CEP350: variants seen among roughly 807,000 people sequenced by gnomAD.
The protein encoded by CEP350 is centrosome-associated protein 350.
CEP350 carries 126 observed loss-of-function variants against 331.8 expected under a neutral mutation model. The observed-to-expected ratio is 0.38, with a 90% CI of 0.33 to 0.44. The LOEUF is 0.44. Among genes scored for constraint, CEP350 ranks in the 20% least tolerant of loss-of-function variants. The probability of loss-of-function intolerance (pLI) is 1.00; values close to 1 mark genes in which losing one functional copy is unlikely to be tolerated. For synonymous variants in CEP350, 1,200 were observed against 1,259.5 expected, an observed-to-expected ratio of 0.95 and a Z score of 1.00; for missense variants, 3,406 against 3,634.6, an observed-to-expected ratio of 0.94 and a Z score of 1.62.
Position 180,014,216 on chromosome 1 carries a change from G to A in CEP350, c.1763G>A (p.Arg588Lys). ...ANEDPPVISK[R>K]RHYDTDEVRQ... ...GAAGATCCCCCTGTTATTTCCAAAAGGCGCCACTATGACACAGATGAGGTA... is the reference window on the plus strand; with the variant it reads ...GAAGATCCCCCTGTTATTTCCAAAAAGCGCCACTATGACACAGATGAGGTA... The change falls in exon 10 of 38, where the codon AGG becomes AAG. Residue 588 changes from arginine (R) to lysine (K), a missense_variant. Arg to Lys is a conservative substitution (Grantham distance 26). Coordinates refer to ENST00000367607, the MANE Select transcript of CEP350 (RefSeq NM_014810.5). The A allele has an allele frequency of 6.2e-7, 1 of 1,610,832 alleles. No individual in the cohort carries two copies. Among genetic ancestry groups the A allele is most frequent in the Non-Finnish European group, 8.5e-7 (1 of 1,178,612 alleles).
At chr1:179,996,485 CT>C in intron 5 of CEP350, 67 bp from the exon 6 acceptor site, 2 of 1,147,468 alleles carry the variant, frequency 1.7e-6, no homozygotes, top group Non-Finnish European at 1.2e-6. Context: ...AAAATCTACT[CT>C]TAGCAATTTT....
At chr1:180,080,714 C>T (rs1289075215) in intron 30 of CEP350, 53 bp downstream of exon 30, 6 of 1,473,718 alleles carry the variant, frequency 4.1e-6, no homozygotes, top group Admixed American at 3.4e-5. Context: ...ACAGCCTTTA[C>T]TCTAAAAGGC....
chr1:180,074,248 G>A (rs570568480), intron 27 of CEP350, among the ~76,000 whole-genome samples: 9 of 152,252 alleles, frequency 5.9e-5, no homozygotes, highest in African/African-American at 1.9e-4. Context: ...TTTATTAGTA[G>A]CCTCTAAACT....
At position 179,973,844 on chromosome 1, in the gene CEP350, C is replaced by T. The variant is rs183264824; in HGVS notation, c.-13-12325C>T. Among the ~76,000 whole-genome samples the T allele has an allele frequency of 2.9e-3, 435 of 151,924 alleles. 4 individuals are homozygous for T. Among genetic ancestry groups the T allele is most frequent in the Middle Eastern group, 0.01 (3 of 294 alleles). Reference sequence around the variant, plus strand: ...TATTTTTTCAATTTCTTTTTCTCCCCCTCATTTACTGCCGTAGTGATAAAT... The same window carrying T: ...TATTTTTTCAATTTCTTTTTCTCCCTCTCATTTACTGCCGTAGTGATAAAT... On this transcript the variant is annotated intron_variant, in intron 1 of 37. Transcript: ENST00000367607.
chr1:180,085,739 A>C (rs1023826252), intron 31 of CEP350: 2 of 152,244 alleles, frequency 1.3e-5, no homozygotes, highest in Non-Finnish European at 2.9e-5. Context: ...TAAGTATTAG[A>C]AGAGCTCTTT....
intron 30 of CEP350, among the ~76,000 whole-genome samples, chr1:180,081,670 GCTGTAATAC>G (rs1460319538): frequency 3.3e-5 from 5 of 152,106 alleles, no homozygotes; most frequent in African/African-American, 1.2e-4. Context: ...TTGCTCCTAG[GCTGTAATAC>G]CTGTACAGTA....
At chr1:180,070,589 A>T (rs1658820762) in intron 27 of CEP350, among the ~76,000 whole-genome samples, 1 of 152,202 alleles carries the variant, frequency 6.6e-6, no homozygotes. Context: ...AACTTTCCTC[A>T]GGTCACACAC....
intron 6 of CEP350, among the ~76,000 whole-genome samples, chr1:180,002,928 A>G (rs1653962681): frequency 6.6e-6 from 1 of 152,146 alleles, no homozygotes; most frequent in African/African-American, 2.4e-5. Flanking sequence ...TTGCCAGGGG[A>G]TGGAGGGGGT....
At position 180,093,428 on chromosome 1, in the gene CEP350, G is replaced by T; in HGVS notation, c.7323G>T (p.Glu2441Asp). 1 of 1,599,812 alleles carries T rather than the reference G, an allele frequency of 6.3e-7. No individual in the cohort carries two copies. The highest frequency in any genetic ancestry group is 8.5e-7 in the Non-Finnish European group (1 of 1,172,740). ...AGGAAATCAGTGAGTGCCTAAGTGA[G>T]AAAAGCCTTTCTATCCATAGCAATG... ...SNEEISECLSEKSLSIHSNVH... is the reference protein window; with the variant it reads ...SNEEISECLSDKSLSIHSNVH... The change falls in exon 34 of 38, where the codon GAG (glutamate) becomes GAT (aspartate). Residue 2441 changes from glutamate to aspartate, a missense_variant. Glu to Asp is a conservative substitution (Grantham distance 45). This residue lies in a region of CEP350 where 1,415 missense variants were observed against 1,512.3 expected (regional missense o/e 0.94). Coordinates refer to ENST00000367607, the MANE Select transcript of CEP350 (RefSeq NM_014810.5).
chr1:180,112,235 A>C lies in CEP350; in HGVS notation c.*1074A>C, dbSNP rs964985316. On this transcript the variant is annotated 3_prime_UTR_variant, in exon 38 of 38. Coordinates refer to ENST00000367607, the MANE Select transcript of CEP350 (RefSeq NM_014810.5). ...TCAGAAGTGAAAGATTCATCTTGTA[A>C]TAGTTAAACCTCCATCTTGAAGCTT... The C allele has an allele frequency of 1.3e-5, 2 of 152,638 alleles. No homozygotes were observed. Among genetic ancestry groups the C allele is most frequent in the Non-Finnish European group, 1.5e-5 (1 of 68,048 alleles). 9.5% of individuals were successfully genotyped at this position (152,638 alleles called of 1,614,324 possible). A position where few individuals can be genotyped will look rare whatever the true frequency, so the allele number is the denominator to read the frequency against.
At chr1:180,108,054 A>T (rs2149197345) in intron 37 of CEP350, among the ~76,000 whole-genome samples, 1 of 152,262 alleles carries the variant, frequency 6.6e-6, no homozygotes, top group East Asian at 1.9e-4. Context: ...GTTATAGTTG[A>T]AGATCCAAAT....
At position 180,011,917 on chromosome 1, in the gene CEP350, G is replaced by A. The variant is rs1287927855; in HGVS notation, c.1247-12G>A. On this transcript the variant is annotated splice_polypyrimidine_tract_variant and intron_variant, in intron 8 of 37. Transcript: ENST00000367607. ...ATTTAAGTTTTAATTTCAGTGCCATGTATTTTTTTAGGTAGTAGTCATCTT... is the reference window on the plus strand; with the variant it reads ...ATTTAAGTTTTAATTTCAGTGCCATATATTTTTTTAGGTAGTAGTCATCTT... 6.4e-7 allele frequency: 1 copy of A among 1,568,092 alleles called. No homozygotes were observed. Among genetic ancestry groups the A allele is most frequent in the African/African-American group, 1.4e-5 (1 of 72,996 alleles).
At chr1:180,100,687 C>T (rs1016572980) in intron 37 of CEP350, among the ~76,000 whole-genome samples, 2 of 152,114 alleles carry the variant, frequency 1.3e-5, no homozygotes, top group African/African-American at 4.8e-5. Flanking sequence ...CTGTTAAAAC[C>T]ACAGGAAGCT....
At chr1:180,076,239 T>G (rs539270416) in intron 28 of CEP350, among the ~76,000 whole-genome samples, 1 of 152,278 alleles carries the variant, frequency 6.6e-6, no homozygotes, top group South Asian at 2.1e-4. Flanking sequence ...AAGAGACATT[T>G]CTCAACTCAT....
In CEP350 at chr1:180,054,487, G is replaced by A; in HGVS notation, c.5247G>A (p.Arg1749=). ...AGAAACAGCGTGGTTTGCTTTTAAG[G>A]TTGCAGCAAGAAAAGGTATGTTAGG... The part of the protein sequence containing the change: ...LRKKQRGLLL[R]LQQEKAEIKR... Residue 1749 remains arginine (R), a synonymous_variant, in exon 25 of 38, where the codon AGG becomes AGA. Coordinates refer to ENST00000367607, the MANE Select transcript of CEP350 (RefSeq NM_014810.5). The A allele has an allele frequency of 6.3e-7, 1 of 1,599,298 alleles. No homozygotes were observed.
intron 27 of CEP350, among the ~76,000 whole-genome samples, chr1:180,071,038 C>T (rs1441927191): frequency 6.7e-6 from 1 of 148,860 alleles, no homozygotes; most frequent in African/African-American, 2.5e-5. Context: ...ATCCCAGCTA[C>T]TTGGGAGGCT....
At chr1:180,110,918 G>T (rs1661436383) in intron 37 of CEP350, 79 bp from the exon 38 acceptor site, 2 of 1,220,032 alleles carry the variant, frequency 1.6e-6, no homozygotes, top group Non-Finnish European at 2.4e-6. Context: ...CCTATGGATA[G>T]GACTACAAAG....
Position 179,954,837 on chromosome 1 carries a change from C to A in CEP350, c.-319C>A. On this transcript the variant is annotated 5_prime_UTR_variant, in exon 1 of 38. Coordinates refer to ENST00000367607, the MANE Select transcript of CEP350 (RefSeq NM_014810.5). Reference sequence around the variant, plus strand: ...TTGTTGGGCTGTAATGGCGACTGGGCCGCCCCTGACGAAGTGACTCCCGGG... The same window carrying A: ...TTGTTGGGCTGTAATGGCGACTGGGACGCCCCTGACGAAGTGACTCCCGGG... 1 of 430,874 alleles carries A rather than the reference C, an allele frequency of 2.3e-6. No individual in the cohort carries two copies. Among genetic ancestry groups the A allele is most frequent in the South Asian group, 5.8e-5 (1 of 17,206 alleles). 26.7% of individuals were successfully genotyped at this position (430,874 alleles called of 1,614,324 possible). A position where few individuals can be genotyped will look rare whatever the true frequency, so the allele number is the denominator to read the frequency against.
intron 16 of CEP350, among the ~76,000 whole-genome samples, chr1:180,036,281 G>A (rs758608441): frequency 6.6e-6 from 1 of 152,166 alleles, no homozygotes; most frequent in Non-Finnish European, 1.5e-5. Flanking sequence ...CAGTAATTAT[G>A]TAAATATTAC....
Sources: allele counts gnomAD v4.1 joint callset (sites outside exome capture counted in the v4.1 genomes callset), GRCh38; gene constraint gnomAD v4.1.1; regional missense constraint gnomAD v4.1.1; transcripts MANE v1.5; gene names NCBI Gene and HGNC (gene_info 2026-07-23, HGNC 2026-07-21).